MYH15: variants seen among roughly 807,000 people sequenced by gnomAD.
MYH15 encodes myosin heavy chain 15, also known as myosin-15.
A neutral mutation model predicts 240.5 loss-of-function variants in MYH15; 227 were observed. That is an observed-to-expected ratio of 0.94 (90% CI 0.85 to 1.05). The LOEUF is 1.05. MYH15 is among the 50% of genes least tolerant of loss of function. The pLI, the probability that MYH15 is intolerant of heterozygous loss-of-function variation, is 0.00. For missense variants in MYH15, 2,217 were observed against 2,247.5 expected, an observed-to-expected ratio of 0.99 and a Z score of 0.27; for synonymous variants, 785 against 796.7, an observed-to-expected ratio of 0.99 and a Z score of 0.25.
chr3:108,410,994 C>G, intron 30 of MYH15, 62 bp from the exon 31 acceptor site: 1 of 1,391,272 alleles, frequency 7.2e-7, no homozygotes, highest in Non-Finnish European at 9.9e-7. Context: ...CTCATCAAGT[C>G]TGCCCTGGAT....
chr3:108,475,344 T>C (rs1481734956), intron 12 of MYH15, among the ~76,000 whole-genome samples: 1 of 152,164 alleles, frequency 6.6e-6, no homozygotes, highest in Admixed American at 6.6e-5. Context: ...TGAGTATTAT[T>C]GTAAGAATAG....
At chr3:108,454,808 A>G (rs542522420) in intron 20 of MYH15, among the ~76,000 whole-genome samples, 9 of 152,338 alleles carry the variant, frequency 5.9e-5, no homozygotes, top group African/African-American at 2.2e-4. Flanking sequence ...ACTAAGTGTG[A>G]GAGTGCCCTG....
intron 28 of MYH15, among the ~76,000 whole-genome samples, chr3:108,417,606 A>T (rs577621212): frequency 1.2e-4 from 19 of 152,256 alleles, no homozygotes; most frequent in Non-Finnish European, 2.5e-4. Context: ...AGAGGGAGAA[A>T]TTCTATCATA....
At chr3:108,438,174 G>T (rs1008131295) in intron 24 of MYH15, among the ~76,000 whole-genome samples, 1 of 152,122 alleles carries the variant, frequency 6.6e-6, no homozygotes, top group Non-Finnish European at 1.5e-5. Context: ...TTAATAATTT[G>T]CAAGAACCCC....
At chr3:108,462,452 T>A (rs1257462990) in intron 16 of MYH15, among the ~76,000 whole-genome samples, 2 of 151,872 alleles carry the variant, frequency 1.3e-5, no homozygotes, top group Non-Finnish European at 2.9e-5. Context: ...TTTGTTCCTG[T>A]GAGAAGTTAA....
chr3:108,460,237 T>C, intron 17 of MYH15, 63 bp downstream of exon 17: 1 of 1,342,826 alleles, frequency 7.4e-7, no homozygotes, highest in East Asian at 2.4e-5. Context: ...AAATGTCAAC[T>C]AAATAATAAC....
intron 35 of MYH15, among the ~76,000 whole-genome samples, chr3:108,396,189 G>T (rs4855559): frequency 0.23 from 34,305 of 152,016 alleles, 4,441 homozygotes; most frequent in Middle Eastern, 0.34. Context: ...CTAGGCTAGT[G>T]ATTTTGCATC....
intron 21 of MYH15, among the ~76,000 whole-genome samples, chr3:108,450,446 T>G (rs2082962787): frequency 1.3e-5 from 2 of 152,156 alleles, no homozygotes; most frequent in African/African-American, 4.8e-5. Context: ...GCCAGGCACT[T>G]AAAGACAAAT....
upstream of MYH15, among the ~76,000 whole-genome samples, chr3:108,511,511 T>C (rs745849915): frequency 1.2e-4 from 18 of 152,202 alleles, no homozygotes; most frequent in Admixed American, 2.6e-4. Context: ...TACCAAACAC[T>C]GGACATAGTT....
At chr3:108,434,190 GTTTT>G (rs5851590) in intron 25 of MYH15, among the ~76,000 whole-genome samples, 6 of 130,984 alleles carry the variant, frequency 4.6e-5, no homozygotes, top group Admixed American at 1.5e-4. Flanking sequence ...ATTGAGAATG[GTTTT>G]TTTTTTTTTT....
chr3:108,428,553 C>T lies in MYH15; in HGVS notation c.3641G>A (p.Ser1214Asn), dbSNP rs774084626. ...QVKQKLEKDK[S>N]DLQLEVDDLL... ...GTCATCTACTTCTAGCTGCAAGTCA[C>T]TCTTGTCTTTTTCCAGTTTCTGCTT... The change falls in exon 27 of 41, where the codon AGT becomes AAT. Residue 1214 changes from serine (S) to asparagine (N), a missense_variant. Physicochemically the swap from Ser to Asn is conservative, Grantham distance 46. Coordinates refer to ENST00000693548, the MANE Select transcript of MYH15 (RefSeq NM_014981.3). 4 of 1,614,090 alleles carry T rather than the reference C, an allele frequency of 2.5e-6. No individual in the cohort carries two copies. Among genetic ancestry groups the T allele is most frequent in the Non-Finnish European group, 3.4e-6 (4 of 1,180,018 alleles).
the MYH15 span, among the ~76,000 whole-genome samples, chr3:108,547,977 C>G: frequency 6.6e-6 from 1 of 152,142 alleles, no homozygotes; most frequent in Admixed American, 6.6e-5. Flanking sequence ...GGTGAACATA[C>G]TGATGTTGAC....
chr3:108,532,990 A>G (rs2083721573), upstream of MYH15, among the ~76,000 whole-genome samples: 1 of 152,178 alleles, frequency 6.6e-6, no homozygotes, highest in African/African-American at 2.4e-5. Context: ...TGATGATAGA[A>G]TTAAATAAGG....
chr3:108,430,744 T>C (rs1312545552), intron 26 of MYH15, 88 bp downstream of exon 26: 1 of 1,029,568 alleles, frequency 9.7e-7, no homozygotes, highest in African/African-American at 1.6e-5. Flanking sequence ...AGGGTATGAA[T>C]ACCTTGGCAG....
chr3:108,525,087 A>G (rs895987097), intron 1 of MYH15, among the ~76,000 whole-genome samples: 2 of 152,068 alleles, frequency 1.3e-5, no homozygotes, highest in South Asian at 2.1e-4. Context: ...ACTACTATAG[A>G]AAGTCTATTA....
intron 28 of MYH15, among the ~76,000 whole-genome samples, chr3:108,420,608 G>A (rs1321529963): frequency 6.6e-6 from 1 of 152,180 alleles, no homozygotes; most frequent in African/African-American, 2.4e-5. Flanking sequence ...GAGAGTTCAA[G>A]GGCAAGTAGG....
intron 33 of MYH15, among the ~76,000 whole-genome samples, chr3:108,402,358 G>T (rs1157092577): frequency 6.6e-6 from 1 of 152,230 alleles, no homozygotes; most frequent in African/African-American, 2.4e-5. Context: ...ACTGAGTTCA[G>T]AGGAGTGGAC....
rs2082481404 is a variant in MYH15, at chr3:108,398,720, G to T, written c.5050C>A (p.Gln1684Lys). ...CTGCGGCCACGCTCTGTCTGCTCTT[G>T]CAGGGACCTTAGATCCTCTAGTTCA... The part of the protein sequence containing the change: ...QSELEDLRSL[Q>K]EQTERGRRLS... Residue 1684 changes from glutamine to lysine, a missense_variant, in exon 35 of 41, where the codon CAA becomes AAA. Transcript: ENST00000693548. The T allele has an allele frequency of 1.2e-6, 2 of 1,614,182 alleles. No individual in the cohort carries two copies. The highest frequency in any genetic ancestry group is 2.7e-5 in the African/African-American group (2 of 75,056).
chr3:108,506,731 T>C (rs2083478996), intron 1 of MYH15, among the ~76,000 whole-genome samples: 2 of 152,026 alleles, frequency 1.3e-5, no homozygotes, highest in Non-Finnish European at 2.9e-5. Context: ...CCCAGTCCTG[T>C]CTCTACAAAA....
Sources: allele counts gnomAD v4.1 joint callset (sites outside exome capture counted in the v4.1 genomes callset), GRCh38; gene constraint gnomAD v4.1.1; transcripts MANE v1.5; gene names NCBI Gene and HGNC (gene_info 2026-07-23, HGNC 2026-07-21).